The following PTGFR variants were observed in gnomAD, a reference collection of about 807,000 sequenced individuals.
The protein encoded by PTGFR is prostaglandin F2-alpha receptor.
In PTGFR, 15 loss-of-function variants were observed where a neutral mutation model predicts 26.2. The observed-to-expected ratio is 0.57, with a 90% confidence interval of 0.38 to 0.88. The LOEUF is 0.88. PTGFR is among the 40% of genes least tolerant of loss of function. The pLI is 0.00. For synonymous variants in PTGFR, 165 were observed against 151.1 expected, an observed-to-expected ratio of 1.09 and a Z score of -0.68; for missense variants, 369 against 427.2, an observed-to-expected ratio of 0.86 and a Z score of 1.20.
chr1:78,513,676 G>A (rs1471476130), intron 2 of PTGFR, among the ~76,000 whole-genome samples: 1 of 152,174 alleles, frequency 6.6e-6, no homozygotes, highest in South Asian at 2.1e-4. Context: ...AGAGATATTA[G>A]CGTGACTAAA....
In PTGFR at chr1:78,495,658, T is replaced by A. The variant is rs186177224; in HGVS notation, c.798+2117T>A. On this transcript the variant is annotated intron_variant, in intron 2 of 2. Coordinates refer to ENST00000370757, the MANE Select transcript of PTGFR (RefSeq NM_000959.4). ...TGTTTTTTGTTTATTCTGAGGCATC[T>A]TAAAAATTCTGTTGAGTTACTGGGT... Among the ~76,000 whole-genome samples the A allele has an allele frequency of 7.4e-4, 113 of 152,348 alleles. 2 individuals are homozygous for A. Among genetic ancestry groups the A allele is most frequent in the Admixed American group, 7.4e-3 (113 of 15,306 alleles).
intron 2 of PTGFR, among the ~76,000 whole-genome samples, chr1:78,527,929 C>T (rs912712712): frequency 1.3e-5 from 2 of 151,924 alleles, no homozygotes; most frequent in African/African-American, 2.4e-5. Context: ...ATGGAGTTGA[C>T]GGTTTAATGG....
chr1:78,491,724 AC>A (rs1343663840), intron 1 of PTGFR, among the ~76,000 whole-genome samples: 1 of 152,186 alleles, frequency 6.6e-6, no homozygotes, highest in African/African-American at 2.4e-5. Context: ...GGAGAAGGCG[AC>A]CGTCCTGGGG....
chr1:78,532,982 A>G (rs1650559624), intron 2 of PTGFR, among the ~76,000 whole-genome samples: 1 of 152,194 alleles, frequency 6.6e-6, no homozygotes, highest in Admixed American at 6.5e-5. Context: ...AGGCACAGAT[A>G]GTAGTTTGTC....
intron 2 of PTGFR, among the ~76,000 whole-genome samples, chr1:78,527,339 A>G (rs1264861955): frequency 6.6e-6 from 1 of 152,152 alleles, no homozygotes; most frequent in African/African-American, 2.4e-5. Flanking sequence ...TGAATTTTAG[A>G]CAATGATTGA....
chr1:78,526,608 A>T (rs1448175822), intron 2 of PTGFR, among the ~76,000 whole-genome samples: 2 of 152,132 alleles, frequency 1.3e-5, no homozygotes, highest in African/African-American at 4.8e-5. Flanking sequence ...GCTCTTTATA[A>T]TATAGCTCTC....
At chr1:78,504,262 C>T (rs34852041) in intron 2 of PTGFR, among the ~76,000 whole-genome samples, 39,620 of 152,076 alleles carry the variant, frequency 0.26, 5,512 homozygotes, top group African/African-American at 0.35. Flanking sequence ...AATCCCACTA[C>T]CCAGAAATAA....
At chr1:78,506,644 T>TTA (rs1649833926) in intron 2 of PTGFR, among the ~76,000 whole-genome samples, 2 of 152,084 alleles carry the variant, frequency 1.3e-5, no homozygotes, top group Non-Finnish European at 2.9e-5. Flanking sequence ...TGCTACTAAA[T>TTA]GTATACTCTC....
chr1:78,531,613 G>A (rs1201518567), intron 2 of PTGFR, among the ~76,000 whole-genome samples: 2 of 152,132 alleles, frequency 1.3e-5, no homozygotes, highest in Non-Finnish European at 2.9e-5. Flanking sequence ...TGAAACAAAA[G>A]TTCATATAAG....
At chr1:78,491,275 T>C (rs1649388295) in intron 1 of PTGFR, 39 bp downstream of exon 1, 1 of 152,330 alleles carries the variant, frequency 6.6e-6, no homozygotes, top group South Asian at 2.1e-4. Flanking sequence ...TGCATCGGCT[T>C]CGCTTATCTA....
At position 78,496,989 on chromosome 1, in the gene PTGFR, G is replaced by T. The variant is rs12085232; in HGVS notation, c.798+3448G>T. Among the ~76,000 whole-genome samples the T allele has an allele frequency of 3.8e-3, 556 of 144,854 alleles. 2 individuals carry two copies. Among genetic ancestry groups the T allele is most frequent in the African/African-American group, 0.013 (508 of 39,260 alleles). On this transcript the variant is annotated intron_variant, in intron 2 of 2. Transcript: ENST00000370757. ...GCTATATTATTATTAACTAAAGTTT[G>T]TAGTTTACATTAGGGCTATCTCTTT...
intron 2 of PTGFR, among the ~76,000 whole-genome samples, chr1:78,507,209 G>T (rs1325696449): frequency 6.6e-6 from 1 of 152,138 alleles, no homozygotes; most frequent in Non-Finnish European, 1.5e-5. Context: ...TAGCTACTCT[G>T]CACGGCACAG....
At chr1:78,526,741 C>T in intron 2 of PTGFR, among the ~76,000 whole-genome samples, 1 of 152,036 alleles carries the variant, frequency 6.6e-6, no homozygotes, top group East Asian at 1.9e-4. Context: ...CAGACACTGA[C>T]CTGTATTGTG....
At chr1:78,509,522 A>G (rs1046533561) in intron 2 of PTGFR, among the ~76,000 whole-genome samples, 9 of 152,246 alleles carry the variant, frequency 5.9e-5, no homozygotes, top group African/African-American at 2.2e-4. Flanking sequence ...CCAAATTTCA[A>G]CAAAAAGTAG....
At chr1:78,496,198 T>C (rs1275223255) in intron 2 of PTGFR, among the ~76,000 whole-genome samples, 2 of 152,320 alleles carry the variant, frequency 1.3e-5, no homozygotes, top group Non-Finnish European at 2.9e-5. Context: ...AACAACCTTA[T>C]AAAAATACAG....
At chr1:78,520,270 C>T (rs1650191630) in intron 2 of PTGFR, among the ~76,000 whole-genome samples, 1 of 152,000 alleles carries the variant, frequency 6.6e-6, no homozygotes, top group Non-Finnish European at 1.5e-5. Context: ...ACTTGTTGAT[C>T]ATATATATTT....
intron 2 of PTGFR, among the ~76,000 whole-genome samples, chr1:78,518,338 T>G (rs1650140985): frequency 6.6e-6 from 1 of 152,108 alleles, no homozygotes; most frequent in South Asian, 2.1e-4. Context: ...TATCTACATT[T>G]TTCTTTTTTT....
At chr1:78,512,251 G>A (rs1242107406) in intron 2 of PTGFR, among the ~76,000 whole-genome samples, 7 of 152,060 alleles carry the variant, frequency 4.6e-5, no homozygotes, top group South Asian at 2.1e-4. Flanking sequence ...TCAACACTCC[G>A]CTCATGGTAT....
At position 78,511,548 on chromosome 1, in the gene PTGFR, G is replaced by A. The variant is rs557484751; in HGVS notation, c.798+18007G>A. Among the ~76,000 whole-genome samples, 17 of 151,986 alleles carry A rather than the reference G, an allele frequency of 1.1e-4. 1 individual carries two copies. The South Asian group carries it at 2.9e-3, about 26-fold the overall frequency. On this transcript the variant is annotated intron_variant, in intron 2 of 2. Transcript: ENST00000370757. ...CAGTGAGGCCCTGGTCCTGGCTCCCGAAACCATTCTGTCCTCCTAGGCCTC... is the reference window on the plus strand; with the variant it reads ...CAGTGAGGCCCTGGTCCTGGCTCCCAAAACCATTCTGTCCTCCTAGGCCTC...
Sources: gnomAD v4.1 joint callset for allele counts (sites outside exome capture counted in the v4.1 genomes callset) on GRCh38, gnomAD v4.1.1 for gene constraint, MANE v1.5 for transcripts, NCBI Gene and HGNC (gene_info 2026-07-23, HGNC 2026-07-21) for gene names.